The following TAFA1 variants were observed in gnomAD, a reference collection of about 807,000 sequenced individuals.
The protein encoded by TAFA1 is TAFA chemokine like family member 1, also known as chemokine-like protein TAFA-1.
In TAFA1, 4 loss-of-function variants were observed where a neutral mutation model predicts 18.5. That is an observed-to-expected ratio of 0.22 (90% confidence interval 0.11 to 0.49). The LOEUF is 0.49. Among genes scored for constraint, TAFA1 ranks in the 20% least tolerant of loss-of-function variants. TAFA1 has a pLI of 0.98. For missense variants in TAFA1, 147 were observed against 169.0 expected (o/e 0.87, Z 0.72); for synonymous variants, 56 against 55.2 (o/e 1.01, Z -0.06).
intron 2 of TAFA1, among the ~76,000 whole-genome samples, chr3:68,167,173 C>T (rs2065992186): frequency 6.6e-6 from 1 of 152,234 alleles, no homozygotes; most frequent in Admixed American, 6.5e-5. Context: ...TCAGGTCTGC[C>T]GAATGAAAAT....
rs186140528 is a variant in TAFA1, at chr3:68,082,070, A to G, written c.118+75326A>G. On this transcript the variant is annotated intron_variant, in intron 2 of 4. Transcript: ENST00000478136. ...CGCAGTACTCGGGTGGGAGTGACCC[A>G]ATTTTCCAGTTGCCGTCCGTCACCC... is the stretch of plus-strand genomic sequence containing the variant. 5.7e-3 allele frequency among the ~76,000 whole-genome samples: 862 copies of G among 152,188 alleles called. 11 individuals carry two copies. Among genetic ancestry groups the G allele is most frequent in the Non-Finnish European group, 8.2e-3 (558 of 67,996 alleles).
intron 2 of TAFA1, among the ~76,000 whole-genome samples, chr3:68,383,376 T>C (rs2070022243): frequency 6.6e-6 from 1 of 152,186 alleles, no homozygotes; most frequent in South Asian, 2.1e-4. Flanking sequence ...CCTAGTCTAT[T>C]GAGAGTTTTT....
At position 68,312,033 on chromosome 3, in the gene TAFA1, G is replaced by A. The variant is rs555880941; in HGVS notation, c.119-105247G>A. ...TGCCCTGACAGGCTCAACACCGTGTGGAAGCTGCCAAGGCTTGCAGCTTCC... is the reference window on the plus strand; with the variant it reads ...TGCCCTGACAGGCTCAACACCGTGTAGAAGCTGCCAAGGCTTGCAGCTTCC... On this transcript the variant is annotated intron_variant, in intron 2 of 4. Transcript: ENST00000478136. Among the ~76,000 whole-genome samples, 6 of 152,288 alleles carry A rather than the reference G, an allele frequency of 3.9e-5. No individual in the cohort carries two copies. In the South Asian group the frequency reaches 6.2e-4, roughly 16 times the overall value.
intron 3 of TAFA1, among the ~76,000 whole-genome samples, chr3:68,420,855 T>A (rs2070943232): frequency 6.6e-6 from 1 of 152,144 alleles, no homozygotes; most frequent in Admixed American, 6.6e-5. Context: ...AGTGAGCACC[T>A]CTAATGCAGG....
chr3:68,394,870 C>A (rs145010697), intron 2 of TAFA1, among the ~76,000 whole-genome samples: 2 of 152,216 alleles, frequency 1.3e-5, no homozygotes, highest in East Asian at 3.9e-4. Flanking sequence ...AGGCAAATAC[C>A]ATTCAGGATA....
intron 2 of TAFA1, among the ~76,000 whole-genome samples, chr3:68,180,012 T>TTTATTA (rs35696872): frequency 0.26 from 36,056 of 140,066 alleles, 5,191 homozygotes; most frequent in Admixed American, 0.32. Context: ...AACACATAAT[T>TTTATTA]TTATTATTAT....
chr3:68,303,906 A>G (rs1472792901), intron 2 of TAFA1, among the ~76,000 whole-genome samples: 1 of 152,222 alleles, frequency 6.6e-6, no homozygotes, highest in Non-Finnish European at 1.5e-5. Context: ...CTTTTTATTT[A>G]CTTGTGTTAC....
At chr3:68,450,561 T>G in intron 3 of TAFA1, among the ~76,000 whole-genome samples, 1 of 152,224 alleles carries the variant, frequency 6.6e-6, no homozygotes, top group South Asian at 2.1e-4. Context: ...CAGATCCCAT[T>G]AAAAGGACCC....
At chr3:68,048,771 T>C (rs2064427966) in intron 2 of TAFA1, among the ~76,000 whole-genome samples, 1 of 152,152 alleles carries the variant, frequency 6.6e-6, no homozygotes, top group South Asian at 2.1e-4. Context: ...TCCATTGATG[T>C]TGCTGCAAAT....
At chr3:68,278,818 A>G (rs2067843788) in intron 2 of TAFA1, among the ~76,000 whole-genome samples, 1 of 152,112 alleles carries the variant, frequency 6.6e-6, no homozygotes, top group African/African-American at 2.4e-5. Flanking sequence ...GATGGGAACT[A>G]AGATTCCATT....
At chr3:68,139,723 G>C (rs2065647984) in intron 2 of TAFA1, among the ~76,000 whole-genome samples, 1 of 152,086 alleles carries the variant, frequency 6.6e-6, no homozygotes, top group Non-Finnish European at 1.5e-5. Context: ...TTTTGATTAA[G>C]CCTTGAGTTT....
At chr3:68,117,491 G>A (rs1308052496) in intron 2 of TAFA1, among the ~76,000 whole-genome samples, 1 of 152,196 alleles carries the variant, frequency 6.6e-6, no homozygotes, top group East Asian at 1.9e-4. Flanking sequence ...ATTCAGGGAT[G>A]AAGTACACTA....
At chr3:68,157,141 A>C (rs2065875974) in intron 2 of TAFA1, among the ~76,000 whole-genome samples, 1 of 152,204 alleles carries the variant, frequency 6.6e-6, no homozygotes, top group Non-Finnish European at 1.5e-5. Flanking sequence ...AAAGCTGGGA[A>C]AGCTATTATT....
At chr3:67,997,857 A>G in the TAFA1 span, among the ~76,000 whole-genome samples, 4 of 152,260 alleles carry the variant, frequency 2.6e-5, no homozygotes, top group East Asian at 5.8e-4. Flanking sequence ...AGTAAAATCA[A>G]CCACAATTAA....
chr3:68,094,185 T>C (rs1227306874), intron 2 of TAFA1, among the ~76,000 whole-genome samples: 2 of 152,114 alleles, frequency 1.3e-5, no homozygotes, highest in African/African-American at 4.8e-5. Context: ...GTTTAACATG[T>C]TCAAAAATAT....
chr3:68,141,458 T>C (rs1412506903), intron 2 of TAFA1, among the ~76,000 whole-genome samples: 1 of 152,182 alleles, frequency 6.6e-6, no homozygotes, highest in Non-Finnish European at 1.5e-5. Flanking sequence ...GTGCAGTGGA[T>C]GCTTCTGTTT....
intron 2 of TAFA1, among the ~76,000 whole-genome samples, chr3:68,285,135 A>G (rs772804628): frequency 7.2e-5 from 11 of 152,180 alleles, no homozygotes; most frequent in Non-Finnish European, 1.5e-4. Context: ...TCATGGATGA[A>G]ACTCAAAACA....
chr3:68,004,440 G>C lies in TAFA1; in HGVS notation c.-266G>C, dbSNP rs559765312. ...AGGTGACGCCAGGAGATGATTTAAAGGTGAAAATGACAAGGTTTCCACCCC... is the reference window on the plus strand; with the variant it reads ...AGGTGACGCCAGGAGATGATTTAAACGTGAAAATGACAAGGTTTCCACCCC... On this transcript the variant is annotated 5_prime_UTR_variant, in exon 1 of 5. Coordinates refer to ENST00000478136, the MANE Select transcript of TAFA1 (RefSeq NM_213609.4). The C allele has an allele frequency of 6.6e-6, 1 of 152,202 alleles. No individual in the cohort carries two copies. Among genetic ancestry groups the C allele is most frequent in the Non-Finnish European group, 1.5e-5 (1 of 68,000 alleles). 9.4% of individuals were successfully genotyped at this position (152,202 alleles called of 1,614,324 possible).
chr3:68,047,484 C>CCTCAT (rs1184477907), intron 2 of TAFA1, among the ~76,000 whole-genome samples: 17 of 152,068 alleles, frequency 1.1e-4, no homozygotes, highest in Non-Finnish European at 2.2e-4. Flanking sequence ...GATGGGAAGC[C>CCTCAT]CTCATCTCTG....
Sources: allele counts gnomAD v4.1 joint callset (sites outside exome capture counted in the v4.1 genomes callset), GRCh38; gene constraint gnomAD v4.1.1; transcripts MANE v1.5; gene names NCBI Gene and HGNC (gene_info 2026-07-23, HGNC 2026-07-21).